The following NAALADL2 variants were observed in gnomAD, a reference collection of about 807,000 sequenced individuals.
NAALADL2 encodes inactive N-acetylated-alpha-linked acidic dipeptidase-like protein 2.
Under a neutral mutation model 87.2 loss-of-function variants are expected in NAALADL2, and 76 were observed. The observed-to-expected ratio is 0.87, with a 90% CI of 0.72 to 1.05. The LOEUF (loss-of-function observed/expected upper bound fraction) is 1.05, where lower values mean the gene tolerates loss of function less well. Ranked by LOEUF, NAALADL2 falls within the 50% of genes least tolerant of loss-of-function variation. The pLI, the probability that NAALADL2 is intolerant of heterozygous loss-of-function variation, is 0.00. For missense variants in NAALADL2, 1,089 were observed against 945.8 expected (o/e 1.15, Z -1.99); for synonymous variants, 354 against 331.0 (o/e 1.07, Z -0.75).
intron 2 of NAALADL2, among the ~76,000 whole-genome samples, chr3:174,645,572 C>T (rs1186024739): frequency 6.6e-6 from 1 of 152,076 alleles, no homozygotes; most frequent in Non-Finnish European, 1.5e-5. Flanking sequence ...CATATTTTCC[C>T]CATAGAAAGA....
intron 9 of NAALADL2, among the ~76,000 whole-genome samples, chr3:175,505,691 A>T (rs1355695026): frequency 6.6e-6 from 1 of 152,176 alleles, no homozygotes; most frequent in Non-Finnish European, 1.5e-5. Flanking sequence ...AGACAATAAA[A>T]ATGTGTTCAA....
intron 9 of NAALADL2, among the ~76,000 whole-genome samples, chr3:175,488,119 A>G (rs888555879): frequency 2.6e-5 from 4 of 152,226 alleles, no homozygotes; most frequent in Admixed American, 2.0e-4. Context: ...ATTGCCCTTC[A>G]TTGAAATACT....
Position 175,459,879 on chromosome 3 carries a change from T to C in NAALADL2, c.1235-3522T>C, listed in dbSNP as rs140503909. On this transcript the variant is annotated intron_variant, in intron 6 of 13. Transcript: ENST00000454872. ...GTTCATAATCATACACGTTTTTACCTAAGTTTAATCATTACGTATATCTCT... is the reference window on the plus strand; with the variant it reads ...GTTCATAATCATACACGTTTTTACCCAAGTTTAATCATTACGTATATCTCT... Among the ~76,000 whole-genome samples the C allele has an allele frequency of 5.9e-5, 9 of 152,326 alleles. No individual in the cohort carries two copies. In the East Asian group the frequency reaches 1.7e-3, roughly 29 times the overall value.
At chr3:174,956,333 C>T (rs1310955849) in intron 1 of NAALADL2, among the ~76,000 whole-genome samples, 1 of 151,952 alleles carries the variant, frequency 6.6e-6, no homozygotes, top group African/African-American at 2.4e-5. Flanking sequence ...TTTTATTTGG[C>T]AGAATGATGT....
chr3:174,593,461 T>C (rs907437085), intron 2 of NAALADL2, among the ~76,000 whole-genome samples: 2 of 152,138 alleles, frequency 1.3e-5, no homozygotes, highest in African/African-American at 4.8e-5. Flanking sequence ...TATATTTGCC[T>C]AAGATCTCAC....
chr3:174,595,112 T>G (rs1201201591), intron 2 of NAALADL2, among the ~76,000 whole-genome samples: 2 of 152,160 alleles, frequency 1.3e-5, no homozygotes, highest in African/African-American at 4.8e-5. Flanking sequence ...CATGGCCATT[T>G]TCTAGCTACC....
intron 2 of NAALADL2, among the ~76,000 whole-genome samples, chr3:174,641,775 A>G (rs1723212731): frequency 1.3e-5 from 2 of 152,004 alleles, no homozygotes; most frequent in South Asian, 4.1e-4. Flanking sequence ...TTTTTTGTAG[A>G]GACAGGGTCT....
intron 1 of NAALADL2, among the ~76,000 whole-genome samples, chr3:174,949,295 G>T (rs1471625996): frequency 6.6e-6 from 1 of 152,128 alleles, no homozygotes; most frequent in African/African-American, 2.4e-5. Context: ...AGTGTCCCCA[G>T]AAAGCCAATT....
At chr3:175,670,536 T>TA (rs367873359) in intron 11 of NAALADL2, among the ~76,000 whole-genome samples, 2 of 93,700 alleles carry the variant, frequency 2.1e-5, no homozygotes, top group South Asian at 3.4e-4. Flanking sequence ...GTAAATTTAA[T>TA]TATATTATTT....
intron 5 of NAALADL2, among the ~76,000 whole-genome samples, chr3:175,416,603 GAGA>G (rs772674203): frequency 3.3e-5 from 5 of 152,068 alleles, no homozygotes; most frequent in Admixed American, 3.3e-4. Flanking sequence ...TTTTACTTTG[GAGA>G]AGAAGTTACA....
intron 1 of NAALADL2, among the ~76,000 whole-genome samples, chr3:174,870,602 A>AAC (rs1727713798): frequency 2.0e-5 from 3 of 151,206 alleles, no homozygotes; most frequent in African/African-American, 7.3e-5. Flanking sequence ...TAAAAAAAAA[A>AAC]CACAATTAGC....
chr3:174,922,309 TA>T (rs35627069), intron 1 of NAALADL2, among the ~76,000 whole-genome samples: 18,227 of 137,750 alleles, frequency 0.13, 1,709 homozygotes, highest in African/African-American at 0.28. Flanking sequence ...GACCTTATCT[TA>T]AAAAAAAAAA....
At chr3:175,066,038 G>T (rs1396834618) in intron 1 of NAALADL2, among the ~76,000 whole-genome samples, 2 of 152,102 alleles carry the variant, frequency 1.3e-5, no homozygotes, top group Non-Finnish European at 2.9e-5. Flanking sequence ...GATTCAACCA[G>T]TTAGCCCCTT....
chr3:174,590,871 T>G (rs188694375), intron 2 of NAALADL2, among the ~76,000 whole-genome samples: 6 of 152,198 alleles, frequency 3.9e-5, no homozygotes, highest in Admixed American at 1.3e-4. Context: ...ACTAGCTATT[T>G]CGGTGAAATG....
At chr3:174,800,954 G>A (rs2109249416) in intron 3 of NAALADL2, among the ~76,000 whole-genome samples, 1 of 152,284 alleles carries the variant, frequency 6.6e-6, no homozygotes, top group Non-Finnish European at 1.5e-5. Flanking sequence ...TGGAACAGCT[G>A]TATTTACCCA....
chr3:175,061,648 CAT>C (rs1049073969), intron 1 of NAALADL2, among the ~76,000 whole-genome samples: 34 of 151,612 alleles, frequency 2.2e-4, no homozygotes, highest in African/African-American at 8.0e-4. Context: ...TCTTAGGAAA[CAT>C]AGATTATTTC....
At chr3:175,433,851 A>G (rs191849435) in intron 5 of NAALADL2, among the ~76,000 whole-genome samples, 29 of 152,152 alleles carry the variant, frequency 1.9e-4, no homozygotes, top group Non-Finnish European at 3.5e-4. Context: ...AAGAATTAAT[A>G]GAATATTTCT....
At chr3:174,847,069 T>A (rs769589703) in intron 3 of NAALADL2, among the ~76,000 whole-genome samples, 2 of 152,158 alleles carry the variant, frequency 1.3e-5, no homozygotes, top group Non-Finnish European at 2.9e-5. Context: ...AATTCTAAGT[T>A]TCTGTCTCTA....
chr3:174,471,935 G>A (rs1033489857), intron 1 of NAALADL2, among the ~76,000 whole-genome samples: 1 of 152,082 alleles, frequency 6.6e-6, no homozygotes, highest in Non-Finnish European at 1.5e-5. Flanking sequence ...GATGATAGCT[G>A]TATCAGTGCT....
Sources: gnomAD v4.1 joint callset for allele counts (sites outside exome capture counted in the v4.1 genomes callset) on GRCh38, gnomAD v4.1.1 for gene constraint, MANE v1.5 for transcripts, NCBI Gene and HGNC (gene_info 2026-07-23, HGNC 2026-07-21) for gene names.